Variants in DNAH3 observed in about 807,000 individuals in gnomAD.
The protein encoded by DNAH3 is axonemal beta dynein heavy chain 3.
A neutral mutation model predicts 432.5 loss-of-function variants in DNAH3; 332 were observed. The ratio of observed to expected loss-of-function variants is 0.77; its 90% CI spans 0.70 to 0.84. DNAH3 has a LOEUF of 0.84. Ranked by LOEUF, DNAH3 falls within the 40% of genes least tolerant of loss-of-function variation. The pLI is 0.00. For missense variants in DNAH3, 4,861 were observed against 5,114.0 expected (o/e 0.95, Z 1.51); for synonymous variants, 1,956 against 1,900.2 (o/e 1.03, Z -0.76).
At chr16:20,960,730 G>A (rs3115433) in intron 53 of DNAH3, among the ~76,000 whole-genome samples, 76,148 of 151,434 alleles carry the variant, frequency 0.5, 19,324 homozygotes, top group South Asian at 0.6. Context: ...CAAACAAAAG[G>A]CGGCCAAGGC....
chr16:21,059,621 A>G (rs556295937), intron 26 of DNAH3, among the ~76,000 whole-genome samples: 1 of 152,190 alleles, frequency 6.6e-6, no homozygotes, highest in South Asian at 2.1e-4. Flanking sequence ...CGAAAAATAC[A>G]AAAATTAGCC....
chr16:20,935,704 G>C (rs12935370), intron 60 of DNAH3, among the ~76,000 whole-genome samples: 1 of 151,956 alleles, frequency 6.6e-6, no homozygotes, highest in Non-Finnish European at 1.5e-5. Flanking sequence ...TTAGCCAGGC[G>C]TGGTGGTGGG....
At chr16:21,027,939 T>C (rs567109044) in intron 37 of DNAH3, among the ~76,000 whole-genome samples, 20 of 152,358 alleles carry the variant, frequency 1.3e-4, no homozygotes, top group Non-Finnish European at 2.9e-5. Context: ...CCGCATGGAC[T>C]AATCCATAGC....
At chr16:21,036,625 C>T (rs1000012342) in intron 35 of DNAH3, 89 bp downstream of exon 35, 1 of 1,258,834 alleles carries the variant, frequency 7.9e-7, no homozygotes, top group African/African-American at 1.5e-5. Flanking sequence ...ATTGCTGTCA[C>T]TTCAGTTCCA....
chr16:21,063,319 G>C (rs954531488), intron 24 of DNAH3, among the ~76,000 whole-genome samples: 5 of 152,054 alleles, frequency 3.3e-5, no homozygotes, highest in Admixed American at 2.6e-4. Flanking sequence ...AGTCAGTGTT[G>C]AGAACCACTG....
intron 18 of DNAH3, among the ~76,000 whole-genome samples, chr16:21,095,240 T>C (rs2091643338): frequency 6.6e-6 from 1 of 152,202 alleles, no homozygotes; most frequent in South Asian, 2.1e-4. Context: ...AATAAAAACT[T>C]ACATTGACAC....
At chr16:21,013,807 G>A (rs1344568695) in intron 41 of DNAH3, among the ~76,000 whole-genome samples, 1 of 150,642 alleles carries the variant, frequency 6.6e-6, no homozygotes, top group Non-Finnish European at 1.5e-5. Flanking sequence ...TAAATATTAT[G>A]AACAACTTTA....
chr16:21,153,492 C>T (rs909534638), intron 1 of DNAH3, among the ~76,000 whole-genome samples: 3 of 152,186 alleles, frequency 2.0e-5, no homozygotes, highest in Non-Finnish European at 4.4e-5. Context: ...TACCAATCAG[C>T]AGGATGTGGG....
intron 16 of DNAH3, among the ~76,000 whole-genome samples, chr16:21,103,178 G>C (rs1043127773): frequency 1.4e-4 from 22 of 152,058 alleles, no homozygotes; most frequent in African/African-American, 4.1e-4. Flanking sequence ...AGGGTAGGAG[G>C]GGGGTGAGGG....
At chr16:20,990,465 G>A (rs1361642679) in intron 44 of DNAH3, among the ~76,000 whole-genome samples, 1 of 151,988 alleles carries the variant, frequency 6.6e-6, no homozygotes, top group Non-Finnish European at 1.5e-5. Flanking sequence ...AATATATTCA[G>A]GGTTGTGCAA....
chr16:21,035,977 A>G (rs1307303166), intron 35 of DNAH3, among the ~76,000 whole-genome samples: 1 of 152,182 alleles, frequency 6.6e-6, no homozygotes, highest in Non-Finnish European at 1.5e-5. Flanking sequence ...TATGTGTAGC[A>G]CTTTACACAC....
chr16:20,988,054 G>T, exon 45 of DNAH3: 1 of 1,614,040 alleles, frequency 6.2e-7, no homozygotes, highest in South Asian at 1.1e-5. Flanking sequence ...TTCAGATGGC[G>T]AGTGAATCGT....
In DNAH3 at chr16:21,036,592, G is replaced by C. The variant is rs111705758; in HGVS notation, c.5085+122C>G. ...ATTACGCCCAGCTAATGTTTTACTT[G>C]CATTTCTACACAGGCACCTCTGATT... On this transcript the variant is annotated intron_variant, in intron 35 of 61. Transcript: ENST00000261383. 217 of 917,978 alleles carry C rather than the reference G, an allele frequency of 2.4e-4. 1 individual carries two copies. The African/African-American group carries it at 3.1e-3, about 13-fold the overall frequency. 56.9% of individuals were successfully genotyped at this position (917,978 alleles called of 1,614,324 possible). A position where few individuals can be genotyped will look rare whatever the true frequency, so the allele number is the denominator to read the frequency against.
At chr16:21,154,140 A>G (rs2092883468) in intron 1 of DNAH3, among the ~76,000 whole-genome samples, 1 of 152,252 alleles carries the variant, frequency 6.6e-6, no homozygotes, top group Non-Finnish European at 1.5e-5. Context: ...GCGGTGGCCC[A>G]TGCCTATAAT....
At position 21,041,937 on chromosome 16, in the gene DNAH3, T is replaced by C. The variant is rs369783996; in HGVS notation, c.4638+90A>G. The C allele has an allele frequency of 1.3e-4, 198 of 1,489,310 alleles. 3 individuals are homozygous for C. In the South Asian group the frequency reaches 1.9e-3, roughly 15 times the overall value. 92.3% of individuals were successfully genotyped at this position (1,489,310 alleles called of 1,614,324 possible). On this transcript the variant is annotated intron_variant, in intron 32 of 61. Coordinates refer to ENST00000261383, the Ensembl canonical transcript of DNAH3. ...ATTTGCCCACCTTGGCCTCCCAAAG[T>C]GCTGGGATTATAGGTGTGAGCCGCC...
rs148577594 is a variant in DNAH3, at chr16:20,965,292, G to A, written c.8592C>T (p.Ile2864=). 4.9e-4 allele frequency: 791 copies of A among 1,613,500 alleles called. 4 individuals are homozygous for A. In the East Asian group the frequency reaches 0.015, roughly 31 times the overall value. Reference sequence around the variant, plus strand: ...CAGCTGGCTGGAATTCCGGGTGATTGATAAACCTTTCCCGGATCCGCTTCA... The same window carrying A: ...CAGCTGGCTGGAATTCCGGGTGATTAATAAACCTTTCCCGGATCCGCTTCA... The change falls in exon 53 of 62, where the codon ATC becomes ATT. Residue 2864 remains isoleucine (I), a synonymous_variant. Transcript: ENST00000261383.
At chr16:21,070,921 C>T in intron 21 of DNAH3, 95 bp from the exon 22 acceptor site, 3 of 770,872 alleles carry the variant, frequency 3.9e-6, no homozygotes, top group Non-Finnish European at 6.7e-6. Flanking sequence ...ACAGGGTCTC[C>T]TCACCCAGGC....
intron 35 of DNAH3, among the ~76,000 whole-genome samples, chr16:21,035,335 C>T (rs993429100): frequency 9.9e-5 from 15 of 152,016 alleles, no homozygotes; most frequent in African/African-American, 2.9e-4. Flanking sequence ...AAATAAAAAA[C>T]GAATAAGAGA....
At position 21,146,177 on chromosome 16, in the gene DNAH3, A is replaced by G; in HGVS notation, c.118-89T>C. 3.6e-6 allele frequency: 3 copies of G among 824,356 alleles called. No homozygotes were observed. The Admixed American group carries it at 6.5e-5, about 18-fold the overall frequency. 51.1% of individuals were successfully genotyped at this position (824,356 alleles called of 1,614,324 possible). A position where few individuals can be genotyped will look rare whatever the true frequency, so the allele number is the denominator to read the frequency against. Reference sequence around the variant, plus strand: ...GGTTAGGACTAAAGAGGTCCCCAGGAAAAGTTTTAGGTCCAGAGTTCTGGA... The same window carrying G: ...GGTTAGGACTAAAGAGGTCCCCAGGGAAAGTTTTAGGTCCAGAGTTCTGGA... On this transcript the variant is annotated intron_variant, in intron 1 of 61. Coordinates refer to ENST00000261383, the Ensembl canonical transcript of DNAH3.
Sources: allele counts gnomAD v4.1 joint callset (sites outside exome capture counted in the v4.1 genomes callset), GRCh38; gene constraint gnomAD v4.1.1; transcripts MANE v1.5; gene names NCBI Gene and HGNC (gene_info 2026-07-23, HGNC 2026-07-21).